The following NRXN1 variants were observed in gnomAD, a reference collection of about 807,000 sequenced individuals.
NRXN1 encodes the protein neurexin 1, also known as neurexin-1.
In NRXN1, 39 loss-of-function variants were observed where a neutral mutation model predicts 150.9. The ratio of observed to expected loss-of-function variants is 0.26; its 90% CI spans 0.20 to 0.34. The LOEUF is 0.34. NRXN1 is among the 10% of genes least tolerant of loss of function. The pLI is 1.00. For synonymous variants in NRXN1, 924 were observed against 757.0 expected (o/e 1.22, Z -3.62); for missense variants, 1,815 against 1,949.9 (o/e 0.93, Z 1.30).
chr2:50,829,723 G>A lies in NRXN1; in HGVS notation c.832+92146C>T, dbSNP rs982905538. The A allele has an allele frequency of 1.5e-5, 24 of 1,591,586 alleles. 1 individual carries two copies. The highest frequency in any genetic ancestry group is 2.3e-4 in the Middle Eastern group (1 of 4,434). On this transcript the variant is annotated intron_variant, in intron 5 of 22. Coordinates refer to ENST00000401669, the MANE Select transcript of NRXN1 (RefSeq NM_001330078.2). ...GCCCGCACACCCAGAGCTCGCCCAC[G>A]GTTGGCAGCGCCCAAGGTTGCACGG...
At chr2:50,065,078 T>G (rs547057360) in intron 19 of NRXN1, among the ~76,000 whole-genome samples, 2 of 152,308 alleles carry the variant, frequency 1.3e-5, no homozygotes, top group South Asian at 4.1e-4. Flanking sequence ...TTTTTCCGTA[T>G]GAAAGTGGTC....
intron 17 of NRXN1, among the ~76,000 whole-genome samples, chr2:50,306,582 T>C (rs1360808019): frequency 6.6e-6 from 1 of 152,246 alleles, no homozygotes; most frequent in South Asian, 2.1e-4. Context: ...GTTCTGTCAA[T>C]GCAGATTTCT....
At chr2:49,979,524 C>A (rs1367072292) in intron 21 of NRXN1, among the ~76,000 whole-genome samples, 1 of 152,112 alleles carries the variant, frequency 6.6e-6, no homozygotes, top group Admixed American at 6.5e-5. Context: ...TAAGTGGCTG[C>A]TGAAGTTTTT....
chr2:50,151,640 CAGAA>C (rs2058703649), intron 18 of NRXN1, among the ~76,000 whole-genome samples: 1 of 151,674 alleles, frequency 6.6e-6, no homozygotes, highest in African/African-American at 2.4e-5. Context: ...GGGATAGAAA[CAGAA>C]AGTAGATTAG....
chr2:50,727,846 A>C (rs1237346251), intron 5 of NRXN1, among the ~76,000 whole-genome samples: 4 of 152,078 alleles, frequency 2.6e-5, no homozygotes, highest in Non-Finnish European at 5.9e-5. Context: ...AGATGAGGGG[A>C]AAGAATATTG....
intron 18 of NRXN1, among the ~76,000 whole-genome samples, chr2:50,208,082 G>A (rs911392344): frequency 2.0e-5 from 3 of 152,130 alleles, no homozygotes; most frequent in African/African-American, 7.2e-5. Context: ...GCCTGCAACG[G>A]TTGGCAGGAG....
intron 18 of NRXN1, among the ~76,000 whole-genome samples, chr2:50,182,103 T>G (rs935796903): frequency 1.1e-4 from 14 of 123,164 alleles, no homozygotes; most frequent in Admixed American, 5.8e-4. Flanking sequence ...TCTTAAAAAT[T>G]CATTATCCTT....
chr2:50,905,959 G>A (rs1222407768), intron 5 of NRXN1, among the ~76,000 whole-genome samples: 4 of 152,046 alleles, frequency 2.6e-5, no homozygotes, highest in African/African-American at 9.7e-5. Context: ...TTTAAGCAAG[G>A]CACTAGACTA....
At chr2:50,272,081 T>C (rs1021954192) in intron 17 of NRXN1, among the ~76,000 whole-genome samples, 1 of 152,088 alleles carries the variant, frequency 6.6e-6, no homozygotes, top group Admixed American at 6.6e-5. Flanking sequence ...TGAGGACAAA[T>C]TGCAGGAGGG....
intron 5 of NRXN1, among the ~76,000 whole-genome samples, chr2:50,827,618 T>A (rs927621059): frequency 6.6e-6 from 1 of 152,224 alleles, no homozygotes. Context: ...ATTTATTTAG[T>A]TTTTTAATTG....
chr2:50,095,932 C>T (rs1368583341), intron 18 of NRXN1, among the ~76,000 whole-genome samples: 1 of 110,392 alleles, frequency 9.1e-6, no homozygotes, highest in East Asian at 3.2e-4. Flanking sequence ...GCTATCCCTC[C>T]CCCCTCCCCC....
chr2:51,004,722 C>A (rs34684671), intron 2 of NRXN1, among the ~76,000 whole-genome samples: 33,201 of 151,734 alleles, frequency 0.22, 3,993 homozygotes, highest in Non-Finnish European at 0.28. Flanking sequence ...TTCCCTCTCA[C>A]CTATAAATGT....
chr2:50,159,283 A>G (rs762928374), intron 18 of NRXN1, among the ~76,000 whole-genome samples: 4 of 152,142 alleles, frequency 2.6e-5, no homozygotes, highest in Admixed American at 6.6e-5. Context: ...TCTGTTTTCA[A>G]TCTTTGGTGA....
intron 19 of NRXN1, among the ~76,000 whole-genome samples, chr2:50,076,492 T>C (rs1447769338): frequency 3.9e-5 from 6 of 152,220 alleles, no homozygotes; most frequent in Admixed American, 3.9e-4. Flanking sequence ...GTAAGTACTG[T>C]CATTGTCCCC....
chr2:50,114,660 G>A (rs546542478), intron 18 of NRXN1, among the ~76,000 whole-genome samples: 13 of 146,050 alleles, frequency 8.9e-5, no homozygotes, highest in South Asian at 2.2e-4. Context: ...TCCAAGCAAT[G>A]GAATATCATT....
chr2:50,755,356 T>C lies in NRXN1; in HGVS notation c.833-131741A>G, dbSNP rs185805027. Among the ~76,000 whole-genome samples, 395 of 151,936 alleles carry C rather than the reference T, an allele frequency of 2.6e-3. 3 individuals carry two copies. Among genetic ancestry groups the C allele is most frequent in the Non-Finnish European group, 3.2e-3 (218 of 67,838 alleles). On this transcript the variant is annotated intron_variant, in intron 5 of 22. Transcript: ENST00000401669. ...CTGCTCTGCTTTTTGAACCTAATTA[T>C]TGTGAGCAAAAAAGTCAGCAATGCA...
intron 2 of NRXN1, among the ~76,000 whole-genome samples, chr2:50,958,624 T>C (rs1258731754): frequency 2.6e-5 from 4 of 152,130 alleles, no homozygotes; most frequent in Non-Finnish European, 5.9e-5. Flanking sequence ...GTATGCAAGA[T>C]AATGCCATTT....
chr2:50,424,834 G>T (rs1417677244), intron 17 of NRXN1, among the ~76,000 whole-genome samples: 1 of 151,868 alleles, frequency 6.6e-6, no homozygotes, highest in African/African-American at 2.4e-5. Flanking sequence ...GTATACACTG[G>T]TTACTTACAG....
intron 8 of NRXN1, among the ~76,000 whole-genome samples, chr2:50,585,324 A>C (rs1672923148): frequency 6.6e-6 from 1 of 152,184 alleles, no homozygotes; most frequent in South Asian, 2.1e-4. Flanking sequence ...TAAAGTAGTC[A>C]ACTCCAGAGA....
Sources: gnomAD v4.1 joint callset for allele counts (sites outside exome capture counted in the v4.1 genomes callset) on GRCh38, gnomAD v4.1.1 for gene constraint, MANE v1.5 for transcripts, NCBI Gene and HGNC (gene_info 2026-07-23, HGNC 2026-07-21) for gene names.